The following PTK7 variants were observed in gnomAD, a reference collection of about 807,000 sequenced individuals.
The protein encoded by PTK7 is inactive tyrosine-protein kinase 7.
Under a neutral mutation model 116.6 loss-of-function variants are expected in PTK7, and 39 were observed. The observed-to-expected ratio is 0.33, with a 90% CI of 0.26 to 0.44. The LOEUF (loss-of-function observed/expected upper bound fraction) is 0.44. PTK7 is among the 20% of genes least tolerant of loss of function. The pLI, the probability that PTK7 is intolerant of heterozygous loss-of-function variation, is 1.00. For missense variants in PTK7, 1,169 were observed against 1,425.6 expected, an observed-to-expected ratio of 0.82 and a Z score of 2.90; for synonymous variants, 546 against 563.6, an observed-to-expected ratio of 0.97 and a Z score of 0.44.
chr6:43,138,144 T>C (rs1770154333), intron 7 of PTK7, among the ~76,000 whole-genome samples: 1 of 151,420 alleles, frequency 6.6e-6, no homozygotes, highest in South Asian at 2.1e-4. Flanking sequence ...TTCTTAGCTG[T>C]AAAGTGCGTG....
At chr6:43,149,714 T>C (rs1285884813) in intron 17 of PTK7, among the ~76,000 whole-genome samples, 1 of 152,214 alleles carries the variant, frequency 6.6e-6, no homozygotes, top group African/African-American at 2.4e-5. Context: ...AAATGCATTT[T>C]ACTCATGATC....
chr6:43,150,064 G>A (rs573512050), intron 17 of PTK7, among the ~76,000 whole-genome samples: 23 of 152,280 alleles, frequency 1.5e-4, no homozygotes, highest in Middle Eastern at 3.4e-3. Flanking sequence ...GCCTTTTAGA[G>A]TAGCTGATAA....
At chr6:43,117,264 C>T (rs1165630468) in intron 1 of PTK7, among the ~76,000 whole-genome samples, 2 of 152,268 alleles carry the variant, frequency 1.3e-5, no homozygotes, top group African/African-American at 2.4e-5. Context: ...GAGAAGGATC[C>T]TCAAAACATA....
chr6:43,157,344 ATATATATATATATATATATAT>A lies in PTK7; in HGVS notation c.2722-1471_2722-1451del, dbSNP rs1561990108. Reference sequence around the variant, plus strand: ...ACACACGCTATATATATATATATATATATATATATATATATATATATTTTTTTTTTTCTTTTTTTTTTTTTT... The same window carrying A: ...ACACACGCTATATATATATATATATATTTTTTTTTTCTTTTTTTTTTTTTT... On this transcript the variant is annotated intron_variant, in intron 17 of 19. Coordinates refer to ENST00000230419, the MANE Select transcript of PTK7 (RefSeq NM_002821.5). 1.8e-4 allele frequency among the ~76,000 whole-genome samples: 2 copies of A among 10,850 alleles called. 1 individual carries two copies. Among genetic ancestry groups the A allele is most frequent in the Non-Finnish European group, 3.5e-4 (2 of 5,734 alleles). The allele number at this position is 10,850 out of a possible 152,430, so 7.1% of individuals were successfully genotyped here. A position where few individuals can be genotyped will look rare whatever the true frequency, so the allele number is the denominator to read the frequency against.
At chr6:43,160,012 T>A (rs752097413) in intron 19 of PTK7, 46 bp downstream of exon 19, 1 of 1,581,270 alleles carries the variant, frequency 6.3e-7, no homozygotes, top group Non-Finnish European at 8.6e-7. Flanking sequence ...GGGCCCCAGA[T>A]GGGGCCTACT....
chr6:43,080,875 G>A (rs1185784261), intron 1 of PTK7, among the ~76,000 whole-genome samples: 1 of 152,058 alleles, frequency 6.6e-6, no homozygotes, highest in Non-Finnish European at 1.5e-5. Flanking sequence ...CCGGGAGGTG[G>A]AGGTTGCAGT....
intron 17 of PTK7, among the ~76,000 whole-genome samples, chr6:43,149,937 G>A (rs1293776127): frequency 1.3e-5 from 2 of 152,228 alleles, no homozygotes; most frequent in African/African-American, 4.8e-5. Flanking sequence ...TGGCACCAAA[G>A]TGCCATATTG....
chr6:43,094,562 T>C lies in PTK7; in HGVS notation c.79+17995T>C, dbSNP rs188767329. Among the ~76,000 whole-genome samples the C allele has an allele frequency of 3.0e-3, 459 of 151,920 alleles. 3 individuals are homozygous for C. The highest frequency in any genetic ancestry group is 9.9e-3 in the African/African-American group (411 of 41,428). On this transcript the variant is annotated intron_variant, in intron 1 of 19. Transcript: ENST00000230419. ...TCACTGCAAGCTCCGCCTCCTGAGT[T>C]CACGCCATTCTCCTGCCTCAGCCTC...
At chr6:43,160,085 A>G in intron 19 of PTK7, 119 bp downstream of exon 19, 2 of 1,043,208 alleles carry the variant, frequency 1.9e-6, no homozygotes, top group Admixed American at 2.6e-5. Context: ...AGGCACACAG[A>G]TACAACCACT....
chr6:43,105,344 A>G (rs1030789278), intron 1 of PTK7, among the ~76,000 whole-genome samples: 3 of 150,916 alleles, frequency 2.0e-5, no homozygotes, highest in Non-Finnish European at 3.0e-5. Context: ...TATTGGATAA[A>G]TAGGTTATGG....
At chr6:43,156,541 G>A (rs963302658) in intron 17 of PTK7, among the ~76,000 whole-genome samples, 2 of 151,468 alleles carry the variant, frequency 1.3e-5, no homozygotes, top group Non-Finnish European at 2.9e-5. Flanking sequence ...CCAGGAGGGC[G>A]AGGCTGCAGT....
intron 17 of PTK7, among the ~76,000 whole-genome samples, chr6:43,148,124 A>G (rs116027233): frequency 0.018 from 2,776 of 152,244 alleles, 88 homozygotes; most frequent in African/African-American, 0.063. Flanking sequence ...GCGTGGGGGC[A>G]TGCCTGTAGT....
chr6:43,123,364 G>A lies in PTK7; in HGVS notation c.80-5613G>A, dbSNP rs76737596. On this transcript the variant is annotated intron_variant, in intron 1 of 19. Coordinates refer to ENST00000230419, the MANE Select transcript of PTK7 (RefSeq NM_002821.5). ...TCCTGGGGGTGTTTTTCCTAAACCAGGAGTTCTAGCTCCTGAGAGATGGGT... is the reference window on the plus strand; with the variant it reads ...TCCTGGGGGTGTTTTTCCTAAACCAAGAGTTCTAGCTCCTGAGAGATGGGT... Among the ~76,000 whole-genome samples, 1,462 of 152,310 alleles carry A rather than the reference G, an allele frequency of 9.6e-3. 11 individuals are homozygous for A. The highest frequency in any genetic ancestry group is 0.013 in the Non-Finnish European group (866 of 68,022).
intron 17 of PTK7, 53 bp from the exon 18 acceptor site, chr6:43,158,764 T>G: frequency 6.3e-7 from 1 of 1,575,162 alleles, no homozygotes; most frequent in Non-Finnish European, 8.7e-7. Context: ...TTGAGGGTGG[T>G]CATCTTGATG....
intron 1 of PTK7, among the ~76,000 whole-genome samples, chr6:43,083,090 G>C (rs1193083432): frequency 1.3e-5 from 2 of 152,196 alleles, no homozygotes; most frequent in Non-Finnish European, 2.9e-5. Context: ...TCTAGTGTTG[G>C]AGCCAAGAGC....
chr6:43,098,235 C>T (rs1192434822), intron 1 of PTK7, among the ~76,000 whole-genome samples: 1 of 152,146 alleles, frequency 6.6e-6, no homozygotes, highest in East Asian at 1.9e-4. Context: ...TATTCTTCTT[C>T]TCCATTGGTT....
At chr6:43,111,375 A>G (rs935770707) in intron 1 of PTK7, among the ~76,000 whole-genome samples, 7 of 152,182 alleles carry the variant, frequency 4.6e-5, no homozygotes, top group Non-Finnish European at 1.0e-4. Flanking sequence ...GAGAACCACT[A>G]CAGCAGAGAT....
chr6:43,093,625 A>T (rs1767078779), intron 1 of PTK7, among the ~76,000 whole-genome samples: 1 of 152,114 alleles, frequency 6.6e-6, no homozygotes, highest in Non-Finnish European at 1.5e-5. Context: ...TTGTGGAGAC[A>T]GCTGGTTGCC....
chr6:43,110,170 G>T (rs1768116109), intron 1 of PTK7, among the ~76,000 whole-genome samples: 1 of 150,656 alleles, frequency 6.6e-6, no homozygotes, highest in Admixed American at 6.6e-5. Context: ...CTAATTTTTT[G>T]TATGTTTAGA....
Sources: gnomAD v4.1 joint callset for allele counts (sites outside exome capture counted in the v4.1 genomes callset) on GRCh38, gnomAD v4.1.1 for gene constraint, MANE v1.5 for transcripts, NCBI Gene and HGNC (gene_info 2026-07-23, HGNC 2026-07-21) for gene names.